PLPPR1: variants seen among roughly 807,000 people sequenced by gnomAD.
PLPPR1 encodes phospholipid phosphatase-related protein type 1.
In PLPPR1, 10 loss-of-function variants were observed where a neutral mutation model predicts 33.1. The ratio of observed to expected loss-of-function variants is 0.30; its 90% confidence interval spans 0.19 to 0.51. The LOEUF (loss-of-function observed/expected upper bound fraction) is 0.51. PLPPR1 is among the 20% of genes least tolerant of loss of function. The pLI is 0.97. For synonymous variants in PLPPR1, 151 were observed against 151.0 expected (o/e 1.00, Z 0.00); for missense variants, 304 against 408.1 (o/e 0.74, Z 2.20).
chr9:101,232,992 C>T (rs892226819), intron 2 of PLPPR1, among the ~76,000 whole-genome samples: 19 of 151,990 alleles, frequency 1.3e-4, no homozygotes. Context: ...ATCCAATCAC[C>T]GAAACTTCCC....
intron 1 of PLPPR1, among the ~76,000 whole-genome samples, chr9:101,085,791 C>T (rs968677427): frequency 6.6e-6 from 1 of 152,032 alleles, no homozygotes; most frequent in Non-Finnish European, 1.5e-5. Flanking sequence ...AAAGTGGACT[C>T]ACTTCTTTAG....
intron 4 of PLPPR1, among the ~76,000 whole-genome samples, chr9:101,297,350 G>A (rs1389065821): frequency 1.3e-5 from 2 of 152,154 alleles, no homozygotes; most frequent in Non-Finnish European, 2.9e-5. Flanking sequence ...CCTCTCGTCT[G>A]TGTGGCATGG....
chr9:101,055,819 G>A (rs542982941), intron 1 of PLPPR1, among the ~76,000 whole-genome samples: 7 of 152,300 alleles, frequency 4.6e-5, no homozygotes, highest in East Asian at 1.9e-4. Flanking sequence ...GTGAATAGCC[G>A]TAGATGTTTT....
intron 1 of PLPPR1, among the ~76,000 whole-genome samples, chr9:101,036,547 C>T (rs1201862093): frequency 3.3e-5 from 5 of 151,652 alleles, no homozygotes; most frequent in Non-Finnish European, 7.4e-5. Flanking sequence ...TTTGAAGACC[C>T]AAGACCCAAG....
intron 4 of PLPPR1, among the ~76,000 whole-genome samples, chr9:101,306,357 T>A (rs2118950084): frequency 6.6e-6 from 1 of 152,348 alleles, no homozygotes; most frequent in Non-Finnish European, 1.5e-5. Context: ...CCTCTTTACT[T>A]CTGTAATCAG....
At chr9:101,130,472 TA>T (rs764989287) in intron 1 of PLPPR1, among the ~76,000 whole-genome samples, 51 of 152,232 alleles carry the variant, frequency 3.4e-4, no homozygotes, top group Non-Finnish European at 6.6e-4. Flanking sequence ...CTTTAAAAAC[TA>T]ATTAGATTAA....
At chr9:101,202,264 A>T (rs575761650) in intron 2 of PLPPR1, among the ~76,000 whole-genome samples, 8 of 152,352 alleles carry the variant, frequency 5.3e-5, no homozygotes, top group Admixed American at 3.9e-4. Context: ...TGAGAATGTC[A>T]TGCTATAGAG....
At chr9:101,138,258 A>G (rs953880254) in intron 1 of PLPPR1, among the ~76,000 whole-genome samples, 26 of 152,154 alleles carry the variant, frequency 1.7e-4, no homozygotes, top group African/African-American at 6.0e-4. Flanking sequence ...TGAGGTCAGT[A>G]TTATCTACAT....
chr9:101,317,172 G>A (rs762831380), intron 6 of PLPPR1, among the ~76,000 whole-genome samples, 193 bp from the exon 7 acceptor site: 5 of 152,128 alleles, frequency 3.3e-5, no homozygotes, highest in South Asian at 2.1e-4. Context: ...ATGGGGTGGA[G>A]AGCGATTATT....
At chr9:101,227,216 G>A (rs577144472) in intron 2 of PLPPR1, among the ~76,000 whole-genome samples, 2 of 152,148 alleles carry the variant, frequency 1.3e-5, no homozygotes, top group South Asian at 4.1e-4. Context: ...ATTTCCTGTG[G>A]CCCAATGTGA....
intron 6 of PLPPR1, among the ~76,000 whole-genome samples, chr9:101,316,163 G>A (rs575156374): frequency 2.3e-4 from 35 of 152,148 alleles, no homozygotes; most frequent in Middle Eastern, 3.4e-3. Context: ...GTCCTCGGGC[G>A]CGGTGGCTCA....
intron 2 of PLPPR1, among the ~76,000 whole-genome samples, chr9:101,238,293 C>CTATATATATA (rs1307945596): frequency 2.3e-5 from 3 of 130,352 alleles, no homozygotes; most frequent in East Asian, 2.3e-4. Context: ...TATACATACC[C>CTATATATATA]TATATATATA....
rs777532576 is a variant in PLPPR1 at position 101,269,862 on chromosome 9, G to T, written c.64-18G>T. 1.2e-6 allele frequency: 2 copies of T among 1,613,324 alleles called. No individual in the cohort carries two copies. Among genetic ancestry groups the T allele is most frequent in the South Asian group, 2.2e-5 (2 of 91,026 alleles). On this transcript the variant is annotated intron_variant, in intron 2 of 7. Coordinates refer to ENST00000374874, the MANE Select transcript of PLPPR1 (RefSeq NM_207299.2). The stretch of plus-strand genomic sequence containing the variant: ...GAAGCCCTGCTAATGTCTCTGTGTG[G>T]CCATGCTGTATTTTCAGCTTGTCAT...
At chr9:101,215,054 A>C (rs1038786234) in intron 2 of PLPPR1, among the ~76,000 whole-genome samples, 3 of 151,874 alleles carry the variant, frequency 2.0e-5, no homozygotes, top group African/African-American at 7.2e-5. Flanking sequence ...AGAAAAGAAA[A>C]AAGCTAAAGG....
intron 1 of PLPPR1, among the ~76,000 whole-genome samples, chr9:101,113,092 T>G (rs1831076385): frequency 6.6e-6 from 1 of 152,244 alleles, no homozygotes; most frequent in Non-Finnish European, 1.5e-5. Context: ...GGCTGTGTTA[T>G]TCTTTTAGAC....
intron 1 of PLPPR1, among the ~76,000 whole-genome samples, chr9:101,146,190 T>G (rs954321484): frequency 3.9e-5 from 6 of 152,326 alleles, no homozygotes; most frequent in African/African-American, 1.4e-4. Flanking sequence ...AACTATAGTT[T>G]GTTTGCTACT....
intron 2 of PLPPR1, among the ~76,000 whole-genome samples, chr9:101,269,310 T>G (rs189906349): frequency 1.3e-5 from 2 of 152,346 alleles, no homozygotes; most frequent in East Asian, 3.9e-4. Flanking sequence ...ATAAAAGTTA[T>G]GACTGATGTA....
intron 4 of PLPPR1, among the ~76,000 whole-genome samples, chr9:101,307,395 G>C (rs180832934): frequency 2.6e-5 from 4 of 152,266 alleles, no homozygotes; most frequent in Admixed American, 1.3e-4. Context: ...GTTATGTCTG[G>C]ACAGACTTAT....
chr9:101,233,768 G>A (rs1442594398), intron 2 of PLPPR1, among the ~76,000 whole-genome samples: 1 of 151,876 alleles, frequency 6.6e-6, no homozygotes, highest in African/African-American at 2.4e-5. Context: ...TGATACAGCT[G>A]CACAAAATTA....
Sources: allele counts gnomAD v4.1 joint callset (sites outside exome capture counted in the v4.1 genomes callset), GRCh38; gene constraint gnomAD v4.1.1; transcripts MANE v1.5; gene names NCBI Gene and HGNC (gene_info 2026-07-23, HGNC 2026-07-21).